Variants in RYR2 observed in about 807,000 individuals in gnomAD.
RYR2 encodes the protein cardiac muscle ryanodine receptor-calcium release channel.
Under a neutral mutation model 601.1 loss-of-function variants are expected in RYR2, and 227 were observed. The ratio of observed to expected loss-of-function variants is 0.38; its 90% CI spans 0.34 to 0.42. The LOEUF (loss-of-function observed/expected upper bound fraction) is 0.42, where lower values mean the gene tolerates loss of function less well. RYR2 is among the 10% of genes least tolerant of loss of function. RYR2 has a pLI of 1.00. For synonymous variants in RYR2, 2,223 were observed against 2,175.1 expected (o/e 1.02, Z -0.61); for missense variants, 4,646 against 6,156.5 (o/e 0.75, Z 8.21).
chr1:237,482,937 T>C lies in RYR2; in HGVS notation c.1709-8869T>C, dbSNP rs113640003. Among the ~76,000 whole-genome samples, 1,361 of 152,308 alleles carry C rather than the reference T, an allele frequency of 8.9e-3. 22 individuals are homozygous for C. The highest frequency in any genetic ancestry group is 0.031 in the African/African-American group (1,287 of 41,560). On this transcript the variant is annotated intron_variant, in intron 17 of 104. Coordinates refer to ENST00000366574, the MANE Select transcript of RYR2 (RefSeq NM_001035.3). ...TATCTCATTATAGTTTTGATTTGCA[T>C]TTCTCTGATGATCCTTCACTGCATT...
chr1:237,694,545 A>T (rs994287780), intron 63 of RYR2, among the ~76,000 whole-genome samples: 1 of 152,170 alleles, frequency 6.6e-6, no homozygotes. Context: ...CTTATTATAT[A>T]TACTGTAAAA....
intron 5 of RYR2, 127 bp from the exon 6 acceptor site, chr1:237,369,407 C>A (rs1700462268): frequency 1.3e-6 from 1 of 799,230 alleles, no homozygotes; most frequent in Non-Finnish European, 2.2e-6. Flanking sequence ...TGCTTGTCTG[C>A]AAGAGCTCTT....
At chr1:237,355,772 A>G (rs1206945642) in intron 3 of RYR2, among the ~76,000 whole-genome samples, 193 bp from the exon 4 acceptor site, 2 of 152,168 alleles carry the variant, frequency 1.3e-5, no homozygotes, top group East Asian at 3.8e-4. Context: ...TTGCTAAATT[A>G]ACTGAATTCT....
At chr1:237,626,280 T>C (rs1434373690) in intron 40 of RYR2, among the ~76,000 whole-genome samples, 1 of 152,208 alleles carries the variant, frequency 6.6e-6, no homozygotes, top group Non-Finnish European at 1.5e-5. Flanking sequence ...CCTTGGGCTG[T>C]GAGTGCCTTG....
At chr1:237,596,889 A>G (rs1326729743) in intron 34 of RYR2, among the ~76,000 whole-genome samples, 1 of 152,242 alleles carries the variant, frequency 6.6e-6, no homozygotes, top group Non-Finnish European at 1.5e-5. Flanking sequence ...AGCCAAGAAT[A>G]CTATGTCTAG....
intron 1 of RYR2, among the ~76,000 whole-genome samples, chr1:237,149,236 G>A (rs913755473): frequency 1.3e-5 from 2 of 152,062 alleles, no homozygotes; most frequent in African/African-American, 2.4e-5. Context: ...ATTTTGGGAA[G>A]TTAAAAGACA....
At position 237,793,941 on chromosome 1, in the gene RYR2, A is replaced by G; in HGVS notation, c.13857A>G (p.Glu4619=). The G allele has an allele frequency of 6.2e-7, 1 of 1,611,956 alleles. No individual in the cohort carries two copies. Residue 4619 remains glutamate, a synonymous_variant, in exon 95 of 105, where the codon GAA becomes GAG. Coordinates refer to ENST00000366574, the MANE Select transcript of RYR2 (RefSeq NM_001035.3). The part of the protein sequence containing the change: ...KLEFDGLYIT[E]QPSEDDIKGQ... ...AATTTGATGGGCTTTATATTACAGA[A>G]CAGCCTTCAGAAGATGATATTAAAG...
At chr1:237,243,037 T>G (rs1305662543) in intron 1 of RYR2, among the ~76,000 whole-genome samples, 1 of 152,102 alleles carries the variant, frequency 6.6e-6, no homozygotes, top group Non-Finnish European at 1.5e-5. Flanking sequence ...TGGCTTCGTA[T>G]GCAGGCAGGT....
intron 17 of RYR2, among the ~76,000 whole-genome samples, chr1:237,477,185 G>A (rs916244350): frequency 1.3e-5 from 2 of 152,192 alleles, no homozygotes; most frequent in Non-Finnish European, 2.9e-5. Context: ...GAGGTCAAGA[G>A]ATGGAGACCA....
chr1:237,192,177 A>C (rs1255460843), intron 1 of RYR2, among the ~76,000 whole-genome samples: 1 of 150,040 alleles, frequency 6.7e-6, no homozygotes, highest in Non-Finnish European at 1.5e-5. Context: ...TTTCTCCAGA[A>C]AAAAAAAAAA....
chr1:237,758,207 G>A (rs967419555), intron 82 of RYR2, among the ~76,000 whole-genome samples: 1 of 152,080 alleles, frequency 6.6e-6, no homozygotes, highest in African/African-American at 2.4e-5. Context: ...AATGTCTCCT[G>A]CTTATGTTTT....
At chr1:237,817,024 T>C (rs1661916035) in intron 100 of RYR2, among the ~76,000 whole-genome samples, 1 of 152,186 alleles carries the variant, frequency 6.6e-6, no homozygotes, top group Non-Finnish European at 1.5e-5. Context: ...AAGGATCTCC[T>C]GACCTTTCTG....
chr1:237,698,717 C>T (rs1419582041), intron 63 of RYR2, among the ~76,000 whole-genome samples: 1 of 152,102 alleles, frequency 6.6e-6, no homozygotes, highest in Non-Finnish European at 1.5e-5. Context: ...TAGTCTGGTG[C>T]AGTGCTTTTG....
At chr1:237,444,788 A>C (rs1431920688) in intron 13 of RYR2, among the ~76,000 whole-genome samples, 1 of 152,212 alleles carries the variant, frequency 6.6e-6, no homozygotes, top group Non-Finnish European at 1.5e-5. Context: ...AGTTTCATAG[A>C]AAGTTCAAAA....
Position 237,566,733 on chromosome 1 carries a change from G to T in RYR2, c.3381G>T (p.Glu1127Asp). 1 of 1,613,986 alleles carries T rather than the reference G, an allele frequency of 6.2e-7. No individual in the cohort carries two copies. Among genetic ancestry groups the T allele is most frequent in the Admixed American group, 1.7e-5 (1 of 60,020 alleles). The change falls in exon 28 of 105, where the codon GAG becomes GAT. Residue 1127 changes from glutamate to aspartate, a missense_variant. Physicochemically the swap from Glu to Asp is conservative, Grantham distance 45. Transcript: ENST00000366574. Reference protein sequence around the residue: ...WSRPGCQPDQELGSDERAFAF... With the variant: ...WSRPGCQPDQDLGSDERAFAF... ...GTCCTGGTTGTCAACCGGATCAGGA[G>T]CTTGGCTCAGATGAACGTGCCTTTG...
intron 27 of RYR2, among the ~76,000 whole-genome samples, chr1:237,565,223 CTTTT>C (rs1671937295): frequency 8.8e-6 from 1 of 113,400 alleles, no homozygotes; most frequent in Non-Finnish European, 1.8e-5. Context: ...TTCTTTCTTT[CTTTT>C]GTCTTTCTTT....
At chr1:237,729,139 A>T (rs947263852) in intron 76 of RYR2, among the ~76,000 whole-genome samples, 4 of 151,860 alleles carry the variant, frequency 2.6e-5, no homozygotes, top group African/African-American at 9.7e-5. Context: ...GTGGTTTCTG[A>T]GTTAGTTTCT....
chr1:237,340,608 C>T (rs937371760), intron 3 of RYR2, among the ~76,000 whole-genome samples: 2 of 152,172 alleles, frequency 1.3e-5, no homozygotes, highest in Non-Finnish European at 2.9e-5. Flanking sequence ...AATATCTAGT[C>T]TAACTTAACC....
At chr1:237,353,104 A>G (rs1698999956) in intron 3 of RYR2, among the ~76,000 whole-genome samples, 3 of 152,220 alleles carry the variant, frequency 2.0e-5, no homozygotes, top group South Asian at 4.1e-4. Flanking sequence ...TGTAAAATGT[A>G]TGGCTCAAAG....
Sources: gnomAD v4.1 joint callset for allele counts (sites outside exome capture counted in the v4.1 genomes callset) on GRCh38, gnomAD v4.1.1 for gene constraint, MANE v1.5 for transcripts, NCBI Gene and HGNC (gene_info 2026-07-23, HGNC 2026-07-21) for gene names.